Variants in CNTNAP2 observed in about 807,000 individuals in gnomAD.
CNTNAP2 encodes the protein contactin associated protein 2.
CNTNAP2 carries 98 observed loss-of-function variants against 155.2 expected under a neutral mutation model. The ratio of observed to expected loss-of-function variants is 0.63; its 90% CI spans 0.54 to 0.75. The LOEUF (loss-of-function observed/expected upper bound fraction) is 0.75, where lower values mean the gene tolerates loss of function less well. Ranked by LOEUF, CNTNAP2 falls within the 30% of genes least tolerant of loss-of-function variation. The pLI, the probability that CNTNAP2 is intolerant of heterozygous loss-of-function variation, is 0.00. For synonymous variants in CNTNAP2, 651 were observed against 631.2 expected (o/e 1.03, Z -0.47); for missense variants, 1,727 against 1,688.1 (o/e 1.02, Z -0.40).
intron 1 of CNTNAP2, among the ~76,000 whole-genome samples, chr7:146,736,913 T>G (rs1801630066): frequency 6.6e-6 from 1 of 152,078 alleles, no homozygotes; most frequent in South Asian, 2.1e-4. Context: ...TATATAATTT[T>G]AAAATATACA....
intron 1 of CNTNAP2, among the ~76,000 whole-genome samples, chr7:146,331,259 G>C (rs1004425241): frequency 6.7e-6 from 1 of 148,258 alleles, no homozygotes; most frequent in Admixed American, 6.8e-5. Flanking sequence ...AGCCGAGATC[G>C]CGCCACTGCA....
In CNTNAP2 at chr7:146,994,861, A is replaced by G. The variant is rs779626492; in HGVS notation, c.403-49046A>G. The stretch of plus-strand genomic sequence containing the variant: ...GTTATTTTTGTGGTGAGAACACTTA[A>G]TATCAACTCTCTTTGTGTTTTTTAA... On this transcript the variant is annotated intron_variant, in intron 3 of 23. Transcript: ENST00000361727. Among the ~76,000 whole-genome samples, 5 of 144,592 alleles carry G rather than the reference A, an allele frequency of 3.5e-5. No homozygotes were observed. In the South Asian group the frequency reaches 8.9e-4, roughly 26 times the overall value. 94.9% of individuals were successfully genotyped at this position (144,592 alleles called of 152,430 possible).
intron 17 of CNTNAP2, among the ~76,000 whole-genome samples, chr7:148,161,223 G>T (rs1805531277): frequency 6.6e-6 from 1 of 152,170 alleles, no homozygotes; most frequent in Non-Finnish European, 1.5e-5. Context: ...CATAACGCAG[G>T]TGTCTTTTAT....
At chr7:147,915,866 C>T (rs1035213225) in intron 14 of CNTNAP2, among the ~76,000 whole-genome samples, 2 of 152,160 alleles carry the variant, frequency 1.3e-5, no homozygotes, top group African/African-American at 4.8e-5. Context: ...AAGGGTTACA[C>T]CATCCCGTGT....
chr7:146,881,247 T>C (rs1795544778), intron 3 of CNTNAP2, among the ~76,000 whole-genome samples: 1 of 152,132 alleles, frequency 6.6e-6, no homozygotes, highest in South Asian at 2.1e-4. Flanking sequence ...TTCTCAAGAA[T>C]AAACTGAATA....
intron 2 of CNTNAP2, among the ~76,000 whole-genome samples, chr7:146,815,334 TCTTA>T (rs775287147): frequency 6.6e-5 from 10 of 152,172 alleles, no homozygotes; most frequent in Non-Finnish European, 1.2e-4. Context: ...TGATGTTTAA[TCTTA>T]CTTTAGACTC....
At chr7:146,822,236 C>G (rs1194887859) in intron 2 of CNTNAP2, among the ~76,000 whole-genome samples, 1 of 152,068 alleles carries the variant, frequency 6.6e-6, no homozygotes, top group East Asian at 1.9e-4. Flanking sequence ...AAACCCAACA[C>G]CACATGTTCT....
intron 11 of CNTNAP2, among the ~76,000 whole-genome samples, chr7:147,524,315 G>A (rs960488175): frequency 7.9e-5 from 12 of 151,468 alleles, no homozygotes; most frequent in Non-Finnish European, 5.9e-5. Context: ...GCTTGAACCC[G>A]GGAGGCGGAG....
intron 18 of CNTNAP2, among the ~76,000 whole-genome samples, chr7:148,184,222 A>T (rs544085005): frequency 6.6e-6 from 1 of 152,268 alleles, no homozygotes; most frequent in South Asian, 2.1e-4. Flanking sequence ...CTTGAGCCCA[A>T]GAGTTTGAGA....
At chr7:147,977,003 A>C (rs1019056482) in intron 14 of CNTNAP2, among the ~76,000 whole-genome samples, 4 of 152,182 alleles carry the variant, frequency 2.6e-5, no homozygotes, top group African/African-American at 9.7e-5. Context: ...GGGATCCCTC[A>C]GCCACAGCAG....
rs191867790 is a variant in CNTNAP2 at position 147,566,829 on chromosome 7, G to A, written c.1897+4572G>A. Among the ~76,000 whole-genome samples, 20 of 152,192 alleles carry A rather than the reference G, an allele frequency of 1.3e-4. No individual in the cohort carries two copies. The East Asian group carries it at 2.5e-3, about 19-fold the overall frequency. ...TCAATAGAGAGAGATTAGGGTTCTC[G>A]TGTTAAAATATTTAATAAGTGTTTG... On this transcript the variant is annotated intron_variant, in intron 12 of 23. Transcript: ENST00000361727.
intron 18 of CNTNAP2, among the ~76,000 whole-genome samples, chr7:148,184,347 A>C (rs1795085647): frequency 6.6e-6 from 1 of 152,206 alleles, no homozygotes; most frequent in Non-Finnish European, 1.5e-5. Flanking sequence ...TCTTCTAAAA[A>C]CTTGCTTTTA....
At chr7:147,792,337 T>G (rs1797832858) in intron 13 of CNTNAP2, among the ~76,000 whole-genome samples, 1 of 150,790 alleles carries the variant, frequency 6.6e-6, no homozygotes, top group South Asian at 2.1e-4. Context: ...AATAACCATT[T>G]TCTATCTCCG....
chr7:147,160,402 A>G (rs958741197), intron 8 of CNTNAP2, among the ~76,000 whole-genome samples: 1 of 152,130 alleles, frequency 6.6e-6, no homozygotes, highest in African/African-American at 2.4e-5. Flanking sequence ...CTGGGAGTTT[A>G]TAATTGCAGA....
chr7:147,908,711 G>C (rs757850782), intron 14 of CNTNAP2, among the ~76,000 whole-genome samples: 5 of 152,146 alleles, frequency 3.3e-5, no homozygotes, highest in Non-Finnish European at 7.3e-5. Context: ...ACTCACATAT[G>C]TTAAACCACG....
intron 3 of CNTNAP2, among the ~76,000 whole-genome samples, chr7:147,004,834 T>A (rs980659960): frequency 3.3e-5 from 5 of 152,086 alleles, no homozygotes; most frequent in Non-Finnish European, 5.9e-5. Flanking sequence ...CTAGTTTTGC[T>A]TGTGTTAAAA....
At chr7:147,609,533 T>A (rs1801141813) in intron 12 of CNTNAP2, among the ~76,000 whole-genome samples, 1 of 150,112 alleles carries the variant, frequency 6.7e-6, no homozygotes, top group African/African-American at 2.5e-5. Flanking sequence ...TCTGTCTCAA[T>A]TAATTAATTA....
intron 10 of CNTNAP2, among the ~76,000 whole-genome samples, chr7:147,409,474 T>G (rs1797065876): frequency 6.6e-6 from 1 of 152,112 alleles, no homozygotes; most frequent in South Asian, 2.1e-4. Context: ...GCAGTACCAT[T>G]CAGGACATAG....
chr7:146,982,184 A>C (rs1436454812), intron 3 of CNTNAP2, among the ~76,000 whole-genome samples: 2 of 152,220 alleles, frequency 1.3e-5, no homozygotes, highest in African/African-American at 4.8e-5. Context: ...AGCCATTAAC[A>C]TAAAAATACA....
Sources: gnomAD v4.1 joint callset for allele counts (sites outside exome capture counted in the v4.1 genomes callset) on GRCh38, gnomAD v4.1.1 for gene constraint, MANE v1.5 for transcripts, NCBI Gene and HGNC (gene_info 2026-07-23, HGNC 2026-07-21) for gene names.